Variants in HSF1 observed in about 807,000 individuals in gnomAD.
The protein encoded by HSF1 is heat shock factor protein 1.
HSF1 carries 32 observed loss-of-function variants against 51.7 expected under a neutral mutation model. The ratio of observed to expected loss-of-function variants is 0.62; its 90% CI spans 0.47 to 0.83. The LOEUF is 0.83. HSF1 is among the 40% of genes least tolerant of loss of function. The pLI is 0.00. For missense variants in HSF1, 727 were observed against 717.0 expected (o/e 1.01, Z -0.16); for synonymous variants, 396 against 309.7 (o/e 1.28, Z -2.92).
At chr8:144,308,265 C>T (rs558045889) in intron 1 of HSF1, among the ~76,000 whole-genome samples, 16 of 152,346 alleles carry the variant, frequency 1.1e-4, no homozygotes, top group Admixed American at 9.1e-4. Flanking sequence ...TCTGAGCCAC[C>T]GCGGCCACGG....
Position 144,312,002 on chromosome 8 carries a change from GC to G in HSF1, c.906del (p.Ser303AlafsTer8). ...GCCCCCTGGTGCGTGTCAAGGAGGA[GC>G]CCCCCAGCCCGCCTCAGAGCCCCCG... is the stretch of plus-strand genomic sequence containing the variant. ...SSPLVRVKEE[P>X]PSPPQSPRVE... On this transcript the variant is annotated frameshift_variant, in exon 9 of 13. Coordinates refer to ENST00000528838, the MANE Select transcript of HSF1 (RefSeq NM_005526.4). LOFTEE classifies it high-confidence loss of function. 3 of 1,595,398 alleles carry G rather than the reference GC, an allele frequency of 1.9e-6. No individual in the cohort carries two copies. The highest frequency in any genetic ancestry group is 1.7e-6 in the Non-Finnish European group (2 of 1,169,944).
At chr8:144,305,789 A>G (rs1331380896) in intron 1 of HSF1, among the ~76,000 whole-genome samples, 8 of 112,672 alleles carry the variant, frequency 7.1e-5, no homozygotes, top group African/African-American at 1.4e-4. Context: ...CTGGAGTGCA[A>G]TGGCGCGATC....
intron 1 of HSF1, among the ~76,000 whole-genome samples, chr8:144,295,062 A>G (rs1278130453): frequency 6.6e-6 from 1 of 152,042 alleles, no homozygotes; most frequent in African/African-American, 2.4e-5. Flanking sequence ...ACTGAGACCC[A>G]TGAGACCCGG....
intron 1 of HSF1, among the ~76,000 whole-genome samples, chr8:144,295,356 T>C (rs924951847): frequency 6.6e-6 from 1 of 152,236 alleles, no homozygotes; most frequent in African/African-American, 2.4e-5. Flanking sequence ...TGAAAAGTAA[T>C]CTCGACATCT....
Position 144,314,012 on chromosome 8 carries a change from C to A in HSF1, c.1342C>A (p.Pro448Thr). ...SIQELLSPQEPPRPPEAENSS... is the reference protein window; with the variant it reads ...SIQELLSPQETPRPPEAENSS... Reference sequence around the variant, plus strand: ...CCAAGAGCTCCTGTCTCCCCAGGAGCCCCCCAGGCCTCCCGAGGCAGAGAA... The same window carrying A: ...CCAAGAGCTCCTGTCTCCCCAGGAGACCCCCAGGCCTCCCGAGGCAGAGAA... The change falls in exon 12 of 13, where the codon CCC (proline) becomes ACC (threonine). Residue 448 changes from proline (P) to threonine (T), a missense_variant. Physicochemically the swap from Pro to Thr is conservative, Grantham distance 38. This residue lies in a region of HSF1 where 470 missense variants were observed against 398.8 expected (regional missense o/e 1.18). Coordinates refer to ENST00000528838, the MANE Select transcript of HSF1 (RefSeq NM_005526.4). The A allele has an allele frequency of 6.2e-7, 1 of 1,610,188 alleles. No individual in the cohort carries two copies. The highest frequency in any genetic ancestry group is 1.3e-5 in the African/African-American group (1 of 74,282).
At chr8:144,294,443 C>T (rs955987537) in intron 1 of HSF1, among the ~76,000 whole-genome samples, 12 of 152,216 alleles carry the variant, frequency 7.9e-5, no homozygotes, top group Non-Finnish European at 1.5e-4. Context: ...CTCCTTCTGG[C>T]TCAGAGTCTT....
Position 144,311,300 on chromosome 8 carries a change from CTGTGT to C in HSF1, c.565-20_565-16del. On this transcript the variant is annotated splice_polypyrimidine_tract_variant and intron_variant, in intron 5 of 12. Transcript: ENST00000528838. ...GGGGGCCCCACAAGGGCCGGGGTAA[CTGTGT>C]CCTCTCTCTCCACAGCTCATTCAGT... 6.2e-7 allele frequency: 1 copy of C among 1,613,702 alleles called. No homozygotes were observed. Among genetic ancestry groups the C allele is most frequent in the Non-Finnish European group, 8.5e-7 (1 of 1,179,994 alleles).
rs1401466500 is a variant in HSF1, at chr8:144,312,650, T to C, written c.1142+406T>C. Reference sequence around the variant, plus strand: ...CAGTTTGGCTCGCACTCCACAGATGTCTAGGGTCGCCCGCCTCTTCCCCTG... The same window carrying C: ...CAGTTTGGCTCGCACTCCACAGATGCCTAGGGTCGCCCGCCTCTTCCCCTG... On this transcript the variant is annotated intron_variant, in intron 9 of 12. Coordinates refer to ENST00000528838, the MANE Select transcript of HSF1 (RefSeq NM_005526.4). 8.5e-6 allele frequency: 13 copies of C among 1,535,240 alleles called. No individual in the cohort carries two copies. The African/African-American group carries it at 1.8e-4, about 21-fold the overall frequency.
At chr8:144,301,953 C>G (rs376414704) in intron 1 of HSF1, among the ~76,000 whole-genome samples, 209 of 151,180 alleles carry the variant, frequency 1.4e-3, no homozygotes, top group African/African-American at 4.8e-3. Flanking sequence ...AAGGATTGCT[C>G]CCAGATGGGG....
chr8:144,313,577 C>T lies in HSF1; in HGVS notation c.1209C>T (p.Ser403=), dbSNP rs553532407. The change falls in exon 10 of 13, where the codon AGC becomes AGT. Residue 403 remains serine, a synonymous_variant. Transcript: ENST00000528838. ...SNLDNLQTML[S]SHGFSVDTSA... ...TGGATAACCTGCAGACCATGCTGAGCAGCCACGGCTTCAGCGTGGACACCA... is the reference window on the plus strand; with the variant it reads ...TGGATAACCTGCAGACCATGCTGAGTAGCCACGGCTTCAGCGTGGACACCA... 1.1e-5 allele frequency: 17 copies of T among 1,611,262 alleles called. No individual in the cohort carries two copies. In the South Asian group the frequency reaches 1.3e-4, roughly 12 times the overall value.
chr8:144,304,136 G>T (rs1277696888), intron 1 of HSF1, among the ~76,000 whole-genome samples: 1 of 108,812 alleles, frequency 9.2e-6, no homozygotes, highest in Non-Finnish European at 2.0e-5. Flanking sequence ...CCTTATTTGG[G>T]AATTGAGGGG....
chr8:144,306,433 G>C (rs1816237142), intron 1 of HSF1, among the ~76,000 whole-genome samples: 2 of 151,974 alleles, frequency 1.3e-5, no homozygotes, highest in African/African-American at 4.8e-5. Context: ...TTCAATCACA[G>C]CTCACTGCAG....
In HSF1 at chr8:144,313,876, A is replaced by C. The variant is rs782378918; in HGVS notation, c.1279A>C (p.Met427Leu). Residue 427 changes from methionine (M) to leucine (L), a missense_variant, in exon 11 of 13, where the codon ATG becomes CTG. Coordinates refer to ENST00000528838, the MANE Select transcript of HSF1 (RefSeq NM_005526.4). ...LFSPSVTVPD[M>L]SLPDLDSSLA... ...CAGCCCCTCGGTGACCGTGCCCGAC[A>C]TGAGCCTGCCTGACCTTGACAGCAG... is the stretch of plus-strand genomic sequence containing the variant. 5 of 1,602,200 alleles carry C rather than the reference A, an allele frequency of 3.1e-6. No homozygotes were observed. In the South Asian group the frequency reaches 4.4e-5, roughly 14 times the overall value.
Position 144,314,151 on chromosome 8 carries a change from C to A in HSF1, c.1411C>A (p.Gln471Lys). The A allele has an allele frequency of 6.5e-7, 1 of 1,547,674 alleles. No individual in the cohort carries two copies. The highest frequency in any genetic ancestry group is 8.7e-7 in the Non-Finnish European group (1 of 1,146,420). Residue 471 changes from glutamine to lysine, a missense_variant, in exon 13 of 13, where the codon CAG (glutamine) becomes AAG (lysine). Physicochemically the swap from Gln to Lys is moderately conservative, Grantham distance 53. Transcript: ENST00000528838. ...SGKQLVHYTA[Q>K]PLFLLDPGSV... ...GAAGCAGCTGGTGCACTACACAGCG[C>A]AGCCGCTGTTCCTGCTGGACCCCGG...
At chr8:144,294,538 C>T (rs984912476) in intron 1 of HSF1, among the ~76,000 whole-genome samples, 3 of 152,234 alleles carry the variant, frequency 2.0e-5, no homozygotes, top group African/African-American at 7.2e-5. Flanking sequence ...ACTCTCAAGG[C>T]TGAATAACCT....
At chr8:144,307,735 G>A (rs931248123) in intron 1 of HSF1, among the ~76,000 whole-genome samples, 2 of 150,282 alleles carry the variant, frequency 1.3e-5, no homozygotes, top group Non-Finnish European at 3.0e-5. Flanking sequence ...TGCAGAGGCT[G>A]CAGTGAGCCA....
intron 1 of HSF1, among the ~76,000 whole-genome samples, chr8:144,301,083 G>A (rs1215244535): frequency 2.0e-5 from 3 of 152,170 alleles, no homozygotes; most frequent in South Asian, 2.1e-4. Context: ...GTGGTCTAAC[G>A]TATTTGAGGT....
intron 1 of HSF1, among the ~76,000 whole-genome samples, chr8:144,303,012 G>C (rs934546788): frequency 2.0e-5 from 3 of 152,052 alleles, no homozygotes; most frequent in African/African-American, 7.2e-5. Context: ...GAACTCACCC[G>C]TGCTGCTGAG....
Position 144,297,571 on chromosome 8 carries a change from GCAC to G in HSF1, c.117+5699_117+5701del, listed in dbSNP as rs1427326408. 6.6e-6 allele frequency among the ~76,000 whole-genome samples: 1 copy of G among 152,178 alleles called. No individual in the cohort carries two copies. The highest frequency in any genetic ancestry group is 1.5e-5 in the Non-Finnish European group (1 of 68,032). On this transcript the variant is annotated intron_variant, in intron 1 of 12. Coordinates refer to ENST00000528838, the MANE Select transcript of HSF1 (RefSeq NM_005526.4). This position sits in a 1 kb window ranked among gnomAD's most constrained non-coding sequence, Gnocchi z 4.6. ...GGCCACAAAGTGAGCCACTTTGTCT[GCAC>G]CTGCTCGCGCTTCCTGCCTGCCTCA...
Sources: gnomAD v4.1 joint callset for allele counts (sites outside exome capture counted in the v4.1 genomes callset) on GRCh38, gnomAD v4.1.1 for gene constraint, gnomAD v4.1.1 regional missense constraint, Gnocchi (gnomAD v3.1) non-coding constraint, MANE v1.5 for transcripts, NCBI Gene and HGNC (gene_info 2026-07-23, HGNC 2026-07-21) for gene names.